Variants in EEF1D observed in about 807,000 individuals in gnomAD.
EEF1D encodes the protein elongation factor 1-delta.
Under a neutral mutation model 63.9 loss-of-function variants are expected in EEF1D, and 47 were observed. The ratio of observed to expected loss-of-function variants is 0.74; its 90% CI spans 0.58 to 0.94. The LOEUF is 0.94. Among genes scored for constraint, EEF1D ranks in the 40% least tolerant of loss-of-function variants. The pLI, the probability that EEF1D is intolerant of heterozygous loss-of-function variation, is 0.00. For synonymous variants in EEF1D, 412 were observed against 386.1 expected, an observed-to-expected ratio of 1.07 and a Z score of -0.79; for missense variants, 907 against 899.0, an observed-to-expected ratio of 1.01 and a Z score of -0.11.
chr8:143,592,031 T>C (rs1336090047), intron 2 of EEF1D: 2 of 985,322 alleles, frequency 2.0e-6, no homozygotes, highest in African/African-American at 1.7e-5. Flanking sequence ...ACAGGGCCCA[T>C]GAAGACGCTC....
intron 5 of EEF1D, among the ~76,000 whole-genome samples, chr8:143,584,742 A>G (rs1405816748): frequency 2.0e-5 from 3 of 152,142 alleles, no homozygotes; most frequent in African/African-American, 7.2e-5. Flanking sequence ...TGGTAGGAAT[A>G]GGGATGTTAA....
At chr8:143,594,859 C>T (rs1168535180) in intron 1 of EEF1D, among the ~76,000 whole-genome samples, 8 of 151,880 alleles carry the variant, frequency 5.3e-5, no homozygotes, top group Admixed American at 2.6e-4. Context: ...AACCACCGCA[C>T]GGCAGAGCAG....
rs144264495 is a variant in EEF1D at position 143,589,973 on chromosome 8, C to T, written c.109G>A (p.Ala37Thr). 9.3e-5 allele frequency: 149 copies of T among 1,598,894 alleles called. No homozygotes were observed. The highest frequency in any genetic ancestry group is 1.5e-4 in the South Asian group (14 of 91,002). Residue 37 changes from alanine to threonine, a missense_variant, in exon 3 of 10, where the codon GCC becomes ACC. Physicochemically the swap from Ala to Thr is moderately conservative, Grantham distance 58. Transcript: ENST00000618139. ...TCGGCTGGCAGCTGCTGGGCGGAGGCGGCCGCCTGTGTGGCCTCGTGTTCG... is the reference window on the plus strand; with the variant it reads ...TCGGCTGGCAGCTGCTGGGCGGAGGTGGCCGCCTGTGTGGCCTCGTGTTCG... The part of the protein sequence containing the change: ...FYEHEATQAA[A>T]SAQQLPAEGP...
intron 2 of EEF1D, chr8:143,592,061 T>C (rs1007990797): frequency 9.1e-6 from 9 of 984,404 alleles, no homozygotes; most frequent in Non-Finnish European, 1.1e-5. Context: ...CCCTGCTCAT[T>C]CCTTCCCCAG....
intron 5 of EEF1D, chr8:143,583,882 G>C: frequency 6.6e-6 from 1 of 152,468 alleles, no homozygotes. Context: ...ACACTAGGCA[G>C]CAGGAGCGAG....
intron 3 of EEF1D, 83 bp from the exon 4 acceptor site, chr8:143,586,935 G>C (rs1826772808): frequency 6.4e-7 from 1 of 1,567,360 alleles, no homozygotes; most frequent in Non-Finnish European, 8.7e-7. Context: ...AAGGTGCAGT[G>C]GGGCTGACAC....
In EEF1D at chr8:143,580,733, A is replaced by T. The variant is rs1825326662; in HGVS notation, c.1489-6T>A. ...TGGCGCATGGGAGATACGTGCTGCC[A>T]CAGGGGAAGGGACAGGAGGCACGGC... On this transcript the variant is annotated splice_region_variant and splice_polypyrimidine_tract_variant and intron_variant, in intron 7 of 9. Coordinates refer to ENST00000618139, the MANE Select transcript of EEF1D (RefSeq NM_001130053.5). 6.2e-7 allele frequency: 1 copy of T among 1,612,304 alleles called. No individual in the cohort carries two copies. The highest frequency in any genetic ancestry group is 1.3e-5 in the African/African-American group (1 of 74,918).
chr8:143,593,666 G>A (rs988669795), intron 1 of EEF1D, among the ~76,000 whole-genome samples: 1 of 152,134 alleles, frequency 6.6e-6, no homozygotes, highest in African/African-American at 2.4e-5. Flanking sequence ...CCAGTAAGAG[G>A]GATCTTGGGT....
At chr8:143,586,317 CTTTT>C (rs766031138) in intron 4 of EEF1D, 27 bp from the exon 5 acceptor site, 6 of 1,500,852 alleles carry the variant, frequency 4.0e-6, no homozygotes, top group Non-Finnish European at 2.7e-6. Flanking sequence ...AAGAACCAGT[CTTTT>C]TTTTATTATT....
rs4874160 is a variant in EEF1D at position 143,589,074 on chromosome 8, C to A, written c.1008G>T (p.Arg336=). The A allele has an allele frequency of 0.81, 1,307,804 of 1,608,322 alleles. 539,830 individuals carry two copies. Among genetic ancestry groups the A allele is most frequent in the Non-Finnish European group, 0.86 (1,009,519 of 1,179,272 alleles). ...AGGCAGCTTCGAGGCACCAGGCCAC[C>A]CGCAGGGCCTCGGCAGCGTGGTGGC... ...ECRHHAAEAL[R]VAWCLEAASL... is the part of the protein sequence containing the mutation. Residue 336 remains arginine (R), a synonymous_variant, in exon 3 of 10, where the codon CGG becomes CGT. Transcript: ENST00000618139.
Position 143,581,277 on chromosome 8 carries a change from C to A in EEF1D, c.1339G>T (p.Val447Phe). The A allele has an allele frequency of 6.2e-7, 1 of 1,612,458 alleles. No individual in the cohort carries two copies. The highest frequency in any genetic ancestry group is 8.5e-7 in the Non-Finnish European group (1 of 1,179,992). Reference protein sequence around the residue: ...SGTSGDHGELVVRIASLEVEN... With the variant: ...SGTSGDHGELFVRIASLEVEN... Reference sequence around the variant, plus strand: ...ACTTCCAGACTGGCAATCCGGACGACGAGCTCACCGTGGTCTCCGCTGGTG... The same window carrying A: ...ACTTCCAGACTGGCAATCCGGACGAAGAGCTCACCGTGGTCTCCGCTGGTG... The change falls in exon 6 of 10, where the codon GTC (valine) becomes TTC (phenylalanine). Residue 447 changes from valine (V) to phenylalanine (F), a missense_variant. Val to Phe is a conservative substitution (Grantham distance 50). Transcript: ENST00000618139.
intron 1 of EEF1D, among the ~76,000 whole-genome samples, chr8:143,594,954 G>C (rs1337599454): frequency 1.3e-5 from 2 of 152,240 alleles, no homozygotes; most frequent in Non-Finnish European, 2.9e-5. Flanking sequence ...CACCCAGGCT[G>C]GAGTGCAGTG....
In EEF1D at chr8:143,581,291, T is replaced by G; in HGVS notation, c.1325A>C (p.Asp442Ala). The G allele has an allele frequency of 6.2e-7, 1 of 1,612,126 alleles. No homozygotes were observed. The highest frequency in any genetic ancestry group is 1.1e-5 in the South Asian group (1 of 91,032). ...GPGASSGTSG[D>A]HGELVVRIAS... ...AATCCGGACGACGAGCTCACCGTGG[T>G]CTCCGCTGGTGCCGCTGGAGGCCCC... Residue 442 changes from aspartate (D) to alanine (A), a missense_variant, in exon 6 of 10, where the codon GAC becomes GCC. Asp to Ala is a moderately radical substitution (Grantham distance 126). Coordinates refer to ENST00000618139, the MANE Select transcript of EEF1D (RefSeq NM_001130053.5).
chr8:143,580,877 A>G, intron 7 of EEF1D, 150 bp from the exon 8 acceptor site: 7 of 1,161,870 alleles, frequency 6.0e-6, no homozygotes, highest in South Asian at 5.5e-5. Flanking sequence ...GGCCCCAGGA[A>G]AGACAAAAAC....
At chr8:143,580,284 C>T (rs963743700) in intron 8 of EEF1D, 78 bp from the exon 9 acceptor site, 2 of 1,445,770 alleles carry the variant, frequency 1.4e-6, no homozygotes, top group African/African-American at 2.8e-5. Context: ...ACCCTACCCT[C>T]AACCACTGTG....
Position 143,597,375 on chromosome 8 carries a change from G to C in EEF1D, c.-42C>G, listed in dbSNP as rs1260868106. 1 of 152,198 alleles carries C rather than the reference G, an allele frequency of 6.6e-6. No individual in the cohort carries two copies. Among genetic ancestry groups the C allele is most frequent in the South Asian group, 2.1e-4 (1 of 4,830 alleles). The allele number at this position is 152,198 out of a possible 1,614,324, so 9.4% of individuals were successfully genotyped here. On this transcript the variant is annotated 5_prime_UTR_variant, in exon 1 of 10. Transcript: ENST00000618139. ...GCCAGCCAAGGACGCGGCGACCAAG[G>C]AGGAGGAATCGGCGGACGCGGGAAG...
At chr8:143,592,819 C>G (rs948572245) in intron 1 of EEF1D, 159 bp from the exon 2 acceptor site, 2 of 493,314 alleles carry the variant, frequency 4.1e-6, no homozygotes, top group Non-Finnish European at 5.3e-6. Flanking sequence ...GGAAGCTGAG[C>G]GCCAGACAGA....
chr8:143,581,764 A>G (rs181495764), intron 5 of EEF1D: 281 of 181,224 alleles, frequency 1.6e-3, no homozygotes, highest in African/African-American at 6.3e-3. Flanking sequence ...GAAGGAGCCC[A>G]CCTGTGTGGA....
chr8:143,580,035 C>G lies in EEF1D; in HGVS notation c.1882G>C (p.Glu628Gln). The G allele has an allele frequency of 6.2e-7, 1 of 1,613,872 alleles. No individual in the cohort carries two copies. Among genetic ancestry groups the G allele is most frequent in the Middle Eastern group, 1.7e-4 (1 of 5,998 alleles). The change falls in exon 9 of 10, where the codon GAG (glutamate) becomes CAG (glutamine). Residue 628 changes from glutamate to glutamine, a missense_variant. Physicochemically the swap from Glu to Gln is conservative, Grantham distance 29 (BLOSUM62 2). Transcript: ENST00000618139. ...DKVGTDLLEEEITKFEEHVQS... is the reference protein window; with the variant it reads ...DKVGTDLLEEQITKFEEHVQS... ...ACGTGCTCCTCAAACTTGGTGATCT[C>G]CTCCTCCAGCAAGTCTGTCCCCACC... is the stretch of plus-strand genomic sequence containing the variant.
Sources: allele counts gnomAD v4.1 joint callset (sites outside exome capture counted in the v4.1 genomes callset), GRCh38; gene constraint gnomAD v4.1.1; transcripts MANE v1.5; gene names NCBI Gene and HGNC (gene_info 2026-07-23, HGNC 2026-07-21).